Variants in CALR observed in about 807,000 individuals in gnomAD.
The protein encoded by CALR is calreticulin.
In CALR, 15 loss-of-function variants were observed where a neutral mutation model predicts 51.1. The observed-to-expected ratio is 0.29, with a 90% CI of 0.20 to 0.45. The LOEUF (loss-of-function observed/expected upper bound fraction) is 0.45, where lower values mean the gene tolerates loss of function less well. Among genes scored for constraint, CALR ranks in the 20% least tolerant of loss-of-function variants. CALR has a pLI of 1.00. For missense variants in CALR, 477 were observed against 530.6 expected (o/e 0.90, Z 0.99); for synonymous variants, 239 against 205.9 (o/e 1.16, Z -1.38).
At chr19:12,939,675 G>C (rs1971519040) in intron 3 of CALR, 44 bp downstream of exon 3, 1 of 1,519,648 alleles carries the variant, frequency 6.6e-7, no homozygotes, top group African/African-American at 1.4e-5. Context: ...CCATTAGTTA[G>C]AGGGAGACCC....
chr19:12,943,725 C>G lies in CALR; in HGVS notation c.1066C>G (p.Gln356Glu), dbSNP rs781327462. ...GCTCTGCCTGCAGGCAGCAGAGAAA[C>G]AAATGAAGGACAAACAGGACGAGGA... The part of the protein sequence containing the change: ...TWGVTKAAEK[Q>E]MKDKQDEEQR... Residue 356 changes from glutamine to glutamate, a missense_variant, in exon 9 of 9, where the codon CAA becomes GAA. Transcript: ENST00000316448. 9.3e-6 allele frequency: 15 copies of G among 1,613,672 alleles called. No individual in the cohort carries two copies. The South Asian group carries it at 1.5e-4, about 17-fold the overall frequency.
chr19:12,939,587 A>G lies in CALR; in HGVS notation c.353A>G (p.Asp118Gly). ...GTGAAGCTGTTTCCTAATAGTTTGG[A>G]CCAGACAGACATGCACGGAGACTCA... is the stretch of plus-strand genomic sequence containing the variant. ...GYVKLFPNSLDQTDMHGDSEY... is the reference protein window; with the variant it reads ...GYVKLFPNSLGQTDMHGDSEY... Residue 118 changes from aspartate (D) to glycine (G), a missense_variant, in exon 3 of 9, where the codon GAC becomes GGC. Physicochemically the swap from Asp to Gly is moderately conservative, Grantham distance 94. Transcript: ENST00000316448. 1 of 1,614,038 alleles carries G rather than the reference A, an allele frequency of 6.2e-7. No individual in the cohort carries two copies. Among genetic ancestry groups the G allele is most frequent in the South Asian group, 1.1e-5 (1 of 91,074 alleles).
chr19:12,938,710 C>T lies in CALR; in HGVS notation c.31C>T (p.Leu11Phe), dbSNP rs770160684. ...GCTATCCGTGCCGCTGCTGCTCGGC[C>T]TCCTCGGCCTGGCCGTCGCCGAGCC... is the stretch of plus-strand genomic sequence containing the variant. MLLSVPLLLG[L>F]LGLAVAEPAV... Residue 11 changes from leucine to phenylalanine, a missense_variant, in exon 1 of 9, where the codon CTC becomes TTC. Leu to Phe is a conservative substitution (Grantham distance 22). Coordinates refer to ENST00000316448, the MANE Select transcript of CALR (RefSeq NM_004343.4). 5.0e-5 allele frequency: 81 copies of T among 1,611,492 alleles called. 1 individual carries two copies. In the South Asian group the frequency reaches 8.1e-4, roughly 16 times the overall value.
At position 12,943,946 on chromosome 19, in the gene CALR, G is replaced by T; in HGVS notation, c.*33G>T. On this transcript the variant is annotated 3_prime_UTR_variant, in exon 9 of 9. Coordinates refer to ENST00000316448, the MANE Select transcript of CALR (RefSeq NM_004343.4). Reference sequence around the variant, plus strand: ...TGCCTCCAGGGCTGGACTGAGGCCTGAGCGCTCCTGCCGCAGAGCTGGCCG... The same window carrying T: ...TGCCTCCAGGGCTGGACTGAGGCCTTAGCGCTCCTGCCGCAGAGCTGGCCG... The T allele has an allele frequency of 6.2e-7, 1 of 1,603,338 alleles. No individual in the cohort carries two copies. The highest frequency in any genetic ancestry group is 8.5e-7 in the Non-Finnish European group (1 of 1,176,384).
chr19:12,943,678 G>T, intron 8 of CALR, 35 bp from the exon 9 acceptor site: 5 of 1,614,196 alleles, frequency 3.1e-6, no homozygotes, highest in Non-Finnish European at 4.2e-6. Flanking sequence ...GGGCTGGCAG[G>T]GGGCAAGGCC....
rs1456749180 is a variant in CALR at position 12,940,727 on chromosome 19, C to T, written c.817-17C>T. ...ACCAACCTTACTCACCCTTCGGTTT[C>T]CTTCTCCCTTCTGCAGGGTGAGTGG... On this transcript the variant is annotated splice_polypyrimidine_tract_variant and intron_variant, in intron 6 of 8. Coordinates refer to ENST00000316448, the MANE Select transcript of CALR (RefSeq NM_004343.4). 3 of 1,614,050 alleles carry T rather than the reference C, an allele frequency of 1.9e-6. No homozygotes were observed. The highest frequency in any genetic ancestry group is 2.5e-6 in the Non-Finnish European group (3 of 1,180,046).
At chr19:12,940,963 G>C (rs1452522116) in intron 7 of CALR, 76 bp downstream of exon 7, 10 of 1,440,550 alleles carry the variant, frequency 6.9e-6, no homozygotes, top group African/African-American at 1.4e-5. Context: ...AAGGGACAGG[G>C]TAGGCACCCC....
At position 12,939,220 on chromosome 19, in the gene CALR, G is replaced by A; in HGVS notation, c.178G>A (p.Glu60Lys). ...CAGTTCCGGCAAGTTCTACGGTGAC[G>A]AGGAGAAAGATAAAGGTAAGAGCCT... ...VLSSGKFYGD[E>K]EKDKGLQTSQ... is the part of the protein sequence containing the mutation. The change falls in exon 2 of 9, where the codon GAG (glutamate) becomes AAG (lysine). Residue 60 changes from glutamate to lysine, a missense_variant. By Grantham distance (56) the Glu-to-Lys change is moderately conservative (BLOSUM62 1). Transcript: ENST00000316448. 1 of 1,609,178 alleles carries A rather than the reference G, an allele frequency of 6.2e-7. No individual in the cohort carries two copies. Among genetic ancestry groups the A allele is most frequent in the Non-Finnish European group, 8.5e-7 (1 of 1,177,204 alleles).
chr19:12,943,180 G>A (rs745980729), intron 7 of CALR: 42 of 318,496 alleles, frequency 1.3e-4, no homozygotes, highest in Non-Finnish European at 2.5e-4. Context: ...CGCCTCCTGG[G>A]TTCACATCAT....
chr19:12,944,175 T>A lies in CALR; in HGVS notation c.*262T>A, dbSNP rs570573178. 1 of 571,738 alleles carries A rather than the reference T, an allele frequency of 1.7e-6. No homozygotes were observed. Among genetic ancestry groups the A allele is most frequent in the African/African-American group, 1.9e-5 (1 of 51,622 alleles). 35.4% of individuals were successfully genotyped at this position (571,738 alleles called of 1,614,324 possible). Reference sequence around the variant, plus strand: ...TGGTTCTCATCTTTCTTGATCAACATCTTTTCTTGCCTCTGTCCCCTTCTC... The same window carrying A: ...TGGTTCTCATCTTTCTTGATCAACAACTTTTCTTGCCTCTGTCCCCTTCTC... On this transcript the variant is annotated 3_prime_UTR_variant, in exon 9 of 9. Coordinates refer to ENST00000316448, the MANE Select transcript of CALR (RefSeq NM_004343.4).
rs754184930 is a variant in CALR at position 12,939,195 on chromosome 19, C to T, written c.153C>T (p.Leu51=). The T allele has an allele frequency of 6.2e-7, 1 of 1,611,874 alleles. No individual in the cohort carries two copies. The highest frequency in any genetic ancestry group is 1.3e-5 in the African/African-American group (1 of 74,882). The change falls in exon 2 of 9, where the codon CTC becomes CTT. Residue 51 remains leucine, a synonymous_variant. Coordinates refer to ENST00000316448, the MANE Select transcript of CALR (RefSeq NM_004343.4). ...KHKSDFGKFV[L]SSGKFYGDEE... is the part of the protein sequence containing the mutation. Reference sequence around the variant, plus strand: ...AGTCAGATTTTGGCAAATTCGTTCTCAGTTCCGGCAAGTTCTACGGTGACG... The same window carrying T: ...AGTCAGATTTTGGCAAATTCGTTCTTAGTTCCGGCAAGTTCTACGGTGACG...
Position 12,939,453 on chromosome 19 carries a change from C to G in CALR, c.219C>G (p.Arg73=). 6.2e-7 allele frequency: 1 copy of G among 1,612,452 alleles called. No homozygotes were observed. The highest frequency in any genetic ancestry group is 2.2e-5 in the East Asian group (1 of 44,890). The part of the protein sequence containing the change: ...DKGLQTSQDA[R]FYALSASFEP... ...GTTTGCAGACAAGCCAGGATGCACG[C>G]TTTTATGCTCTGTCGGCCAGTTTCG... The change falls in exon 3 of 9, where the codon CGC becomes CGG. Residue 73 remains arginine, a synonymous_variant. Transcript: ENST00000316448.
At chr19:12,940,515 C>A (rs758447007) in intron 5 of CALR, 26 bp from the exon 6 acceptor site, 1 of 1,613,366 alleles carries the variant, frequency 6.2e-7, no homozygotes, top group African/African-American at 1.3e-5. Context: ...TCTGGGCCAA[C>A]TCTGATCTCT....
chr19:12,939,925 T>C, intron 3 of CALR, 128 bp from the exon 4 acceptor site: 1 of 770,820 alleles, frequency 1.3e-6, no homozygotes, highest in East Asian at 2.7e-5. Flanking sequence ...AGAATCAGGG[T>C]CTGAGTTTCT....
intron 5 of CALR, 40 bp downstream of exon 5, chr19:12,940,492 G>A (rs1225179482): frequency 3.1e-6 from 5 of 1,610,890 alleles, no homozygotes; most frequent in East Asian, 2.2e-5. Context: ...CACATTGGAG[G>A]GTGTGGAAGA....
rs11210 is a variant in CALR, at chr19:12,944,307, G to A, written c.*394G>A. 10 of 379,370 alleles carry A rather than the reference G, an allele frequency of 2.6e-5. No individual in the cohort carries two copies. The highest frequency in any genetic ancestry group is 1.0e-4 in the African/African-American group (5 of 48,958). 23.5% of individuals were successfully genotyped at this position (379,370 alleles called of 1,614,324 possible). On this transcript the variant is annotated 3_prime_UTR_variant, in exon 9 of 9. Transcript: ENST00000316448. ...GGAGCCCAGAGGAGGGCAGCAGAAG[G>A]GGGTGGTGTCTCCAACCCCCCAGCA...
intron 7 of CALR, among the ~76,000 whole-genome samples, chr19:12,942,174 A>T (rs1049271690): frequency 3.3e-5 from 5 of 151,964 alleles, no homozygotes; most frequent in African/African-American, 1.2e-4. Context: ...CCTGGCTAAC[A>T]TGGTGAATGA....
chr19:12,943,457 T>C, intron 7 of CALR, 80 bp from the exon 8 acceptor site: 5 of 1,222,720 alleles, frequency 4.1e-6, no homozygotes, highest in Non-Finnish European at 6.1e-6. Context: ...ATAGTGGTTA[T>C]AGGAACACAG....
At position 12,938,676 on chromosome 19, in the gene CALR, C is replaced by A; in HGVS notation, c.-4C>A. The A allele has an allele frequency of 9.3e-6, 15 of 1,607,772 alleles. No individual in the cohort carries two copies. The highest frequency in any genetic ancestry group is 1.3e-5 in the Non-Finnish European group (15 of 1,177,488). ...CCCGCGCGTTGCCGCCCCCTCGGCC[C>A]GCCATGCTGCTATCCGTGCCGCTGC... On this transcript the variant is annotated 5_prime_UTR_variant, in exon 1 of 9. Transcript: ENST00000316448.
Sources: gnomAD v4.1 joint callset for allele counts (sites outside exome capture counted in the v4.1 genomes callset) on GRCh38, gnomAD v4.1.1 for gene constraint, MANE v1.5 for transcripts, NCBI Gene and HGNC (gene_info 2026-07-23, HGNC 2026-07-21) for gene names.